The following STK38L variants were observed in gnomAD, a reference collection of about 807,000 sequenced individuals.
The protein encoded by STK38L is serine/threonine kinase 38 like, also known as serine/threonine-protein kinase 38-like.
STK38L carries 28 observed loss-of-function variants against 59.7 expected under a neutral mutation model. That is an observed-to-expected ratio of 0.47 (90% CI 0.35 to 0.64). STK38L has a LOEUF of 0.64. Ranked by LOEUF, STK38L falls within the 30% of genes least tolerant of loss-of-function variation. STK38L has a pLI of 0.01. For missense variants in STK38L, 314 were observed against 555.8 expected (o/e 0.56, Z 4.37); for synonymous variants, 162 against 176.8 (o/e 0.92, Z 0.66).
chr12:27,294,924 T>A (rs1943980681), intron 1 of STK38L, among the ~76,000 whole-genome samples: 1 of 151,682 alleles, frequency 6.6e-6, no homozygotes, highest in Admixed American at 6.6e-5. Context: ...CCCAGGCTGA[T>A]CTCAAACTCT....
chr12:27,307,524 A>C (rs1944346872), intron 3 of STK38L, among the ~76,000 whole-genome samples: 1 of 152,234 alleles, frequency 6.6e-6, no homozygotes, highest in South Asian at 2.1e-4. Flanking sequence ...GGCAGGATTC[A>C]GTTGAAGATG....
chr12:27,319,197 A>G (rs542296509), intron 11 of STK38L, 131 bp from the exon 12 acceptor site: 33 of 591,932 alleles, frequency 5.6e-5, no homozygotes, highest in Non-Finnish European at 9.6e-5. Context: ...CACATTTCCT[A>G]CAATAAACAT....
At chr12:27,313,985 T>C (rs1944523069) in intron 6 of STK38L, among the ~76,000 whole-genome samples, 1 of 152,184 alleles carries the variant, frequency 6.6e-6, no homozygotes, top group Non-Finnish European at 1.5e-5. Flanking sequence ...CTTTTGTGAT[T>C]TGATTTCACA....
intron 1 of STK38L, among the ~76,000 whole-genome samples, chr12:27,279,030 T>A (rs1304614030): frequency 1.3e-5 from 2 of 152,262 alleles, no homozygotes; most frequent in Non-Finnish European, 2.9e-5. Context: ...AGACAGTCCC[T>A]GACTTATGAA....
chr12:27,303,208 A>G (rs1944223106), intron 3 of STK38L, among the ~76,000 whole-genome samples: 1 of 151,322 alleles, frequency 6.6e-6, no homozygotes, highest in Admixed American at 6.6e-5. Context: ...CCCAACTCCC[A>G]TTATTCTTCA....
At chr12:27,251,195 A>G (rs1942968781) in intron 1 of STK38L, among the ~76,000 whole-genome samples, 1 of 151,618 alleles carries the variant, frequency 6.6e-6, no homozygotes, top group Non-Finnish European at 1.5e-5. Context: ...ACAGTTTTGC[A>G]TGTCAGACAT....
intron 9 of STK38L, among the ~76,000 whole-genome samples, chr12:27,316,686 A>G (rs1280588665): frequency 1.3e-5 from 2 of 152,246 alleles, no homozygotes; most frequent in Non-Finnish European, 2.9e-5. Context: ...GTAAGATTTT[A>G]TATGAATTAA....
At chr12:27,321,013 T>A (rs1481902086) in intron 12 of STK38L, among the ~76,000 whole-genome samples, 1 of 152,128 alleles carries the variant, frequency 6.6e-6, no homozygotes, top group East Asian at 1.9e-4. Flanking sequence ...CTGCCAGTTC[T>A]TTTGGTTTTA....
chr12:27,257,955 G>A (rs929760435), intron 1 of STK38L, among the ~76,000 whole-genome samples: 6 of 151,260 alleles, frequency 4.0e-5, no homozygotes, highest in Non-Finnish European at 7.4e-5. Flanking sequence ...TCTGCCTCCC[G>A]GGTTCAAGTG....
In STK38L at chr12:27,314,898, G is replaced by T. The variant is rs189537183; in HGVS notation, c.673-117G>T. ...AGATACTTAAAATTTTACATTTTAC[G>T]TGTATAAATCCCAAGCTAAGAATTT... On this transcript the variant is annotated intron_variant, in intron 7 of 13. Coordinates refer to ENST00000389032, the MANE Select transcript of STK38L (RefSeq NM_015000.4). The T allele has an allele frequency of 4.5e-6, 4 of 885,276 alleles. No individual in the cohort carries two copies. The Admixed American group carries it at 9.4e-5, about 21-fold the overall frequency. 54.8% of individuals were successfully genotyped at this position (885,276 alleles called of 1,614,324 possible).
chr12:27,318,686 T>A (rs879604325), intron 11 of STK38L, among the ~76,000 whole-genome samples: 4 of 152,198 alleles, frequency 2.6e-5, no homozygotes, highest in Non-Finnish European at 4.4e-5. Flanking sequence ...CCTCTATATG[T>A]AAATTTTAGA....
At chr12:27,312,015 G>C (rs182849299) in intron 5 of STK38L, among the ~76,000 whole-genome samples, 65 of 152,256 alleles carry the variant, frequency 4.3e-4, no homozygotes, top group Non-Finnish European at 9.3e-4. Flanking sequence ...GAGTAGCCGG[G>C]ACTACTGGTG....
intron 1 of STK38L, among the ~76,000 whole-genome samples, chr12:27,278,164 C>G (rs912127715): frequency 6.6e-6 from 1 of 152,116 alleles, no homozygotes; most frequent in Non-Finnish European, 1.5e-5. Context: ...GGATCTTTGC[C>G]CTTTTATTGG....
At chr12:27,309,349 T>C (rs1373722792) in intron 5 of STK38L, 152 bp downstream of exon 5, 5 of 397,970 alleles carry the variant, frequency 1.3e-5, no homozygotes, top group Non-Finnish European at 2.2e-5. Context: ...CTCAGTTCTT[T>C]TAAGGTTTCT....
rs1313412500 is a variant in STK38L, at chr12:27,315,365, T to G, written c.837+15T>G. Reference sequence around the variant, plus strand: ...GGAGACAACTGGTGAGTCAACCAGTTTTTAAGAGAATTTTATGCCTTGGTT... The same window carrying G: ...GGAGACAACTGGTGAGTCAACCAGTGTTTAAGAGAATTTTATGCCTTGGTT... On this transcript the variant is annotated intron_variant, in intron 9 of 13. Coordinates refer to ENST00000389032, the MANE Select transcript of STK38L (RefSeq NM_015000.4). 1 of 1,607,002 alleles carries G rather than the reference T, an allele frequency of 6.2e-7. No individual in the cohort carries two copies.
chr12:27,275,630 C>T (rs1478987682), intron 1 of STK38L, among the ~76,000 whole-genome samples: 1 of 152,274 alleles, frequency 6.6e-6, no homozygotes, highest in South Asian at 2.1e-4. Context: ...TGAGCCACCA[C>T]GCCCGGACTG....
chr12:27,249,800 C>T (rs1004403442), intron 1 of STK38L, among the ~76,000 whole-genome samples: 1 of 152,162 alleles, frequency 6.6e-6, no homozygotes, highest in Non-Finnish European at 1.5e-5. Context: ...TATAGAATTT[C>T]TACATGTTAT....
chr12:27,306,195 T>C (rs182806405), intron 3 of STK38L, among the ~76,000 whole-genome samples: 1 of 152,214 alleles, frequency 6.6e-6, no homozygotes, highest in Non-Finnish European at 1.5e-5. Flanking sequence ...TGCTGCATTA[T>C]ACAAACTACT....
chr12:27,298,024 T>G (rs973703742), intron 2 of STK38L, 170 bp downstream of exon 2: 1 of 801,320 alleles, frequency 1.2e-6, no homozygotes, highest in Non-Finnish European at 1.9e-6. Flanking sequence ...TTTCACAGAG[T>G]AGTTTCCTGA....
Sources: gnomAD v4.1 joint callset for allele counts (sites outside exome capture counted in the v4.1 genomes callset) on GRCh38, gnomAD v4.1.1 for gene constraint, MANE v1.5 for transcripts, NCBI Gene and HGNC (gene_info 2026-07-23, HGNC 2026-07-21) for gene names.